CRY1: variants seen among roughly 807,000 people sequenced by gnomAD.
The protein encoded by CRY1 is cryptochrome circadian regulator 1.
CRY1 carries 45 observed loss-of-function variants against 76.0 expected under a neutral mutation model. That is an observed-to-expected ratio of 0.59 (90% CI 0.47 to 0.76). CRY1 has a LOEUF of 0.76. CRY1 is among the 30% of genes least tolerant of loss of function. The probability of loss-of-function intolerance (pLI) is 0.00; values close to 1 mark genes in which losing one functional copy is unlikely to be tolerated. For synonymous variants in CRY1, 248 were observed against 244.0 expected (o/e 1.02, Z -0.15); for missense variants, 587 against 716.4 (o/e 0.82, Z 2.06).
chr12:107,028,620 A>C (rs1026978407), intron 1 of CRY1, among the ~76,000 whole-genome samples: 3 of 152,218 alleles, frequency 2.0e-5, no homozygotes, highest in Non-Finnish European at 4.4e-5. Flanking sequence ...GAAAGTCATT[A>C]ATATTTTAAA....
At chr12:107,048,149 C>T (rs1952871106) in intron 1 of CRY1, among the ~76,000 whole-genome samples, 1 of 151,482 alleles carries the variant, frequency 6.6e-6, no homozygotes, top group Admixed American at 6.6e-5. Context: ...GGCATTATCT[C>T]CATTTACTGC....
At chr12:107,013,777 CA>C (rs774760878) in intron 2 of CRY1, among the ~76,000 whole-genome samples, 5 of 152,074 alleles carry the variant, frequency 3.3e-5, no homozygotes, top group Non-Finnish European at 5.9e-5. Flanking sequence ...TCAAGAACTT[CA>C]TATTTTTTTA....
rs1220376369 is a variant in CRY1 at position 107,057,277 on chromosome 12, T to C, written c.159-35085A>G. 4.6e-5 allele frequency among the ~76,000 whole-genome samples: 7 copies of C among 152,060 alleles called. No individual in the cohort carries two copies. In the South Asian group the frequency reaches 8.3e-4, roughly 18 times the overall value. The stretch of plus-strand genomic sequence containing the variant: ...TGAAAATGGTATAAAGAAAGCCCAA[T>C]AAATGCCAAGTAGAAAGATTTATGG... On this transcript the variant is annotated intron_variant, in intron 1 of 12. Transcript: ENST00000008527.
intron 1 of CRY1, among the ~76,000 whole-genome samples, chr12:107,064,526 T>C (rs1025145820): frequency 1.2e-4 from 19 of 152,244 alleles, no homozygotes; most frequent in African/African-American, 4.3e-4. Context: ...TGGAAAACAG[T>C]TTGGCAGTCT....
At chr12:107,087,092 T>C (rs368958787) in intron 1 of CRY1, among the ~76,000 whole-genome samples, 14 of 152,302 alleles carry the variant, frequency 9.2e-5, no homozygotes, top group African/African-American at 2.9e-4. Flanking sequence ...AGATTAAAAG[T>C]ATCCTTTGGA....
chr12:106,997,472 A>ACAGTTC lies in CRY1; in HGVS notation c.1492+10_1492+15dup, dbSNP rs530417946. ...ATAAACAGCTGCCAAAGAAACAAAG[A>ACAGTTC]CAGTTCTTAACATACCTAGTCCTCT... On this transcript the variant is annotated intron_variant, in intron 9 of 12. Transcript: ENST00000008527. 2,846 of 1,613,542 alleles carry ACAGTTC rather than the reference A, an allele frequency of 1.8e-3. 3 individuals carry two copies. Among genetic ancestry groups the ACAGTTC allele is most frequent in the Non-Finnish European group, 2.1e-3 (2,512 of 1,179,772 alleles).
rs139129452 is a variant in CRY1, at chr12:107,073,364, G to C, written c.158+19440C>G. Among the ~76,000 whole-genome samples, 765 of 152,088 alleles carry C rather than the reference G, an allele frequency of 5.0e-3. 8 individuals are homozygous for C. The highest frequency in any genetic ancestry group is 0.016 in the African/African-American group (668 of 41,502). On this transcript the variant is annotated intron_variant, in intron 1 of 12. Transcript: ENST00000008527. ...TCCTCTTGCCTCAGCCTCCTGAGCA[G>C]CTGGGATCACAGGCATGAGCCACTG...
At chr12:107,031,528 T>C (rs1952674425) in intron 1 of CRY1, among the ~76,000 whole-genome samples, 1 of 152,076 alleles carries the variant, frequency 6.6e-6, no homozygotes, top group South Asian at 2.1e-4. Flanking sequence ...AATAGTAACT[T>C]TACAGCAGTG....
At chr12:107,001,427 A>G (rs563211758) in intron 4 of CRY1, 59 bp from the exon 5 acceptor site, 2 of 1,382,194 alleles carry the variant, frequency 1.4e-6, no homozygotes, top group East Asian at 2.3e-5. Flanking sequence ...ATTTAACCCC[A>G]ATAACTGGGA....
Position 107,092,893 on chromosome 12 carries a change from C to A in CRY1, c.69G>T (p.Glu23Asp), listed in dbSNP as rs752019563. 4 of 1,609,882 alleles carry A rather than the reference C, an allele frequency of 2.5e-6. No homozygotes were observed. The highest frequency in any genetic ancestry group is 3.4e-6 in the Non-Finnish European group (4 of 1,179,194). ...LRLHDNPALK[E>D]CIQGADTIRC... is the part of the protein sequence containing the mutation. ...GGATGGTGTCGGCGCCCTGAATGCA[C>A]TCCTTCAGGGCGGGGTTGTCGTGGA... Residue 23 changes from glutamate to aspartate, a missense_variant, in exon 1 of 13, where the codon GAG becomes GAT. Transcript: ENST00000008527.
chr12:107,093,071 G>A lies in CRY1; in HGVS notation c.-110C>T. 7.8e-7 allele frequency: 1 copy of A among 1,275,432 alleles called. No homozygotes were observed. Among genetic ancestry groups the A allele is most frequent in the Non-Finnish European group, 1.0e-6 (1 of 962,858 alleles). The allele number at this position is 1,275,432 out of a possible 1,614,324, so 79.0% of individuals were successfully genotyped here. Reference sequence around the variant, plus strand: ...TTGCCTCACCCGGGGCGTGAGGAAAGGGCGGCAGAGGGGGAACAGGAAAAA... The same window carrying A: ...TTGCCTCACCCGGGGCGTGAGGAAAAGGCGGCAGAGGGGGAACAGGAAAAA... On this transcript the variant is annotated 5_prime_UTR_variant, in exon 1 of 13. Transcript: ENST00000008527.
At chr12:107,023,166 T>C (rs184971149) in intron 1 of CRY1, among the ~76,000 whole-genome samples, 37 of 152,330 alleles carry the variant, frequency 2.4e-4, no homozygotes, top group African/African-American at 8.7e-4. Context: ...CAAGGTTAAG[T>C]ATTTGTCTGC....
chr12:107,004,495 A>G (rs1470325082), intron 3 of CRY1, among the ~76,000 whole-genome samples: 1 of 152,234 alleles, frequency 6.6e-6, no homozygotes, highest in Non-Finnish European at 1.5e-5. Flanking sequence ...TAAGACTCAT[A>G]GCATATAACA....
chr12:106,995,822 A>G (rs987538658), intron 10 of CRY1, among the ~76,000 whole-genome samples: 2 of 151,972 alleles, frequency 1.3e-5, no homozygotes, highest in Non-Finnish European at 2.9e-5. Context: ...TGCCCCCCCA[A>G]CAGACCCCAG....
At chr12:107,083,277 G>C (rs1316336546) in intron 1 of CRY1, among the ~76,000 whole-genome samples, 2 of 152,138 alleles carry the variant, frequency 1.3e-5, no homozygotes, top group African/African-American at 4.8e-5. Flanking sequence ...AGAGGAGCTG[G>C]TACCATTCCT....
chr12:107,048,847 T>G (rs1270452863), intron 1 of CRY1, among the ~76,000 whole-genome samples: 1 of 152,236 alleles, frequency 6.6e-6, no homozygotes, highest in East Asian at 1.9e-4. Flanking sequence ...AAATCCATAA[T>G]TGATAAGTCT....
intron 1 of CRY1, among the ~76,000 whole-genome samples, chr12:107,033,899 A>G (rs181746384): frequency 1.5e-3 from 226 of 150,282 alleles, no homozygotes; most frequent in African/African-American, 5.1e-3. Context: ...AGCATCCCAA[A>G]TCTGAAATGC....
At position 107,092,481 on chromosome 12, in the gene CRY1, T is replaced by C. The variant is rs1953483668; in HGVS notation, c.158+323A>G. Among the ~76,000 whole-genome samples, 4 of 152,250 alleles carry C rather than the reference T, an allele frequency of 2.6e-5. No individual in the cohort carries two copies. The South Asian group carries it at 8.3e-4, about 32-fold the overall frequency. ...GCCACAAAAAGGCCAAGGGAATCCA[T>C]ATACAATGGCCACTAAGGACAGGAA... On this transcript the variant is annotated intron_variant, in intron 1 of 12. Transcript: ENST00000008527.
chr12:107,054,001 A>C (rs1952953672), intron 1 of CRY1, among the ~76,000 whole-genome samples: 1 of 152,222 alleles, frequency 6.6e-6, no homozygotes, highest in African/African-American at 2.4e-5. Flanking sequence ...TACCATCACC[A>C]GTCTTTTTCT....
Sources: allele counts gnomAD v4.1 joint callset (sites outside exome capture counted in the v4.1 genomes callset), GRCh38; gene constraint gnomAD v4.1.1; transcripts MANE v1.5; gene names NCBI Gene and HGNC (gene_info 2026-07-23, HGNC 2026-07-21).